FER: variants seen among roughly 807,000 people sequenced by gnomAD.
FER encodes the protein tyrosine-protein kinase Fer.
In FER, 63 loss-of-function variants were observed where a neutral mutation model predicts 111.0. The ratio of observed to expected loss-of-function variants is 0.57; its 90% CI spans 0.46 to 0.70. The LOEUF is 0.70. Among genes scored for constraint, FER ranks in the 30% least tolerant of loss-of-function variants. FER has a pLI of 0.00. For missense variants in FER, 914 were observed against 954.0 expected (o/e 0.96, Z 0.55); for synonymous variants, 327 against 313.9 (o/e 1.04, Z -0.44).
chr5:108,834,130 A>C (rs1443710980), intron 4 of FER, among the ~76,000 whole-genome samples: 1 of 152,182 alleles, frequency 6.6e-6, no homozygotes, highest in East Asian at 1.9e-4. Flanking sequence ...AATTTGCTCT[A>C]TATAATTGAA....
chr5:108,817,356 A>C (rs573880142), intron 3 of FER, among the ~76,000 whole-genome samples: 1 of 152,080 alleles, frequency 6.6e-6, no homozygotes. Flanking sequence ...CTCCAAAAAC[A>C]TTCTTCTTAT....
chr5:108,941,761 A>G (rs948823182), intron 10 of FER, among the ~76,000 whole-genome samples: 2 of 152,192 alleles, frequency 1.3e-5, no homozygotes, highest in African/African-American at 4.8e-5. Context: ...TGCATCTTGT[A>G]GTACTGGATA....
At chr5:109,144,952 G>C (rs6873546) in intron 17 of FER, among the ~76,000 whole-genome samples, 60,448 of 151,570 alleles carry the variant, frequency 0.4, 12,267 homozygotes, top group Non-Finnish European at 0.43. Flanking sequence ...GAGATATGTG[G>C]TGCCACTTTT....
chr5:109,022,788 A>G (rs777302644), intron 13 of FER, among the ~76,000 whole-genome samples: 5 of 152,254 alleles, frequency 3.3e-5, no homozygotes, highest in Admixed American at 6.6e-5. Flanking sequence ...ATACAAATGT[A>G]TAGAGGATCA....
chr5:108,881,892 G>A (rs13169856), intron 8 of FER, among the ~76,000 whole-genome samples: 10,554 of 152,038 alleles, frequency 0.069, 400 homozygotes, highest in Non-Finnish European at 0.082. Flanking sequence ...GGCCCCAACA[G>A]ATGAATTTTG....
At chr5:109,187,283 TAAAA>T in intron 19 of FER, 146 bp from the exon 20 acceptor site, 1 of 716,324 alleles carries the variant, frequency 1.4e-6, no homozygotes, top group Non-Finnish European at 2.3e-6. Context: ...CTGTAGAAAA[TAAAA>T]ACTCAGCCTC....
At chr5:109,178,990 T>C (rs1044776380) in intron 17 of FER, among the ~76,000 whole-genome samples, 4 of 152,224 alleles carry the variant, frequency 2.6e-5, no homozygotes, top group African/African-American at 9.6e-5. Context: ...TTTTGTTAGA[T>C]TTATTTTTAG....
chr5:108,840,351 AACC>A (rs1034409536), intron 5 of FER, among the ~76,000 whole-genome samples: 2 of 152,146 alleles, frequency 1.3e-5, no homozygotes, highest in African/African-American at 4.8e-5. Context: ...TAATGTCAAA[AACC>A]ACAATTACTT....
chr5:108,794,536 C>CCT (rs983657029), intron 2 of FER, among the ~76,000 whole-genome samples: 2 of 127,380 alleles, frequency 1.6e-5, no homozygotes, highest in Non-Finnish European at 3.4e-5. Flanking sequence ...ACCCCCCCCC[C>CCT]TCCCCGCACC....
At chr5:109,113,114 G>A (rs942519286) in intron 17 of FER, among the ~76,000 whole-genome samples, 3 of 152,128 alleles carry the variant, frequency 2.0e-5, no homozygotes, top group Non-Finnish European at 4.4e-5. Flanking sequence ...GCTGAAACTA[G>A]AACCAACCTG....
chr5:108,868,916 A>G (rs899156989), intron 6 of FER, among the ~76,000 whole-genome samples: 13 of 152,118 alleles, frequency 8.5e-5, no homozygotes, highest in South Asian at 2.1e-4. Context: ...TTTTCAGGTT[A>G]TGGTGCAAGA....
intron 5 of FER, among the ~76,000 whole-genome samples, chr5:108,844,107 C>CATGTGTGTGAACACATAT (rs1346068480): frequency 1.1e-5 from 1 of 95,128 alleles, no homozygotes; most frequent in African/African-American, 4.7e-5. Flanking sequence ...TGTGTGTGAA[C>CATGTGTGTGAACACATAT]ATGTGTGTGA....
intron 5 of FER, among the ~76,000 whole-genome samples, chr5:108,838,049 C>T (rs1484307329): frequency 6.6e-6 from 1 of 151,924 alleles, no homozygotes; most frequent in Non-Finnish European, 1.5e-5. Context: ...GATAGGTAAA[C>T]TTTTCTTTTA....
At chr5:108,777,330 G>C (rs2149985014) in intron 2 of FER, among the ~76,000 whole-genome samples, 1 of 152,272 alleles carries the variant, frequency 6.6e-6, no homozygotes, top group South Asian at 2.1e-4. Context: ...AAGGTACAGA[G>C]ATTTCCCACA....
chr5:108,968,120 G>T (rs1012958482), intron 13 of FER, among the ~76,000 whole-genome samples: 18 of 152,238 alleles, frequency 1.2e-4, no homozygotes, highest in Non-Finnish European at 2.2e-4. Flanking sequence ...CGGGCACAGT[G>T]GCTCAGGCCT....
At chr5:108,954,592 G>A in intron 11 of FER, 137 bp from the exon 12 acceptor site, 3 of 628,388 alleles carry the variant, frequency 4.8e-6, no homozygotes, top group Middle Eastern at 4.5e-4. Flanking sequence ...AGATATTTTA[G>A]GTTTATTGTA....
intron 13 of FER, among the ~76,000 whole-genome samples, chr5:108,973,180 T>C (rs1270786592): frequency 1.3e-5 from 2 of 152,172 alleles, no homozygotes; most frequent in Non-Finnish European, 2.9e-5. Context: ...GTGAGAATGA[T>C]ATACAAGAAC....
At chr5:108,765,761 A>G (rs866083189) in intron 1 of FER, among the ~76,000 whole-genome samples, 1 of 152,180 alleles carries the variant, frequency 6.6e-6, no homozygotes, top group Non-Finnish European at 1.5e-5. Context: ...TTTCATATTA[A>G]TTGGATGATC....
At chr5:109,094,233 C>T (rs1388605333) in intron 16 of FER, among the ~76,000 whole-genome samples, 2 of 149,422 alleles carry the variant, frequency 1.3e-5, no homozygotes, top group African/African-American at 4.9e-5. Flanking sequence ...GCTACAAAAA[C>T]AGAGTGAAAA....
Sources: allele counts gnomAD v4.1 joint callset (sites outside exome capture counted in the v4.1 genomes callset), GRCh38; gene constraint gnomAD v4.1.1; transcripts MANE v1.5; gene names NCBI Gene and HGNC (gene_info 2026-07-23, HGNC 2026-07-21).